ACAD10: variants seen among roughly 807,000 people sequenced by gnomAD.
ACAD10 encodes acyl-CoA dehydrogenase family member 10, also known as ACAD-10.
ACAD10 carries 112 observed loss-of-function variants against 116.8 expected under a neutral mutation model. That is an observed-to-expected ratio of 0.96 (90% CI 0.82 to 1.12). The LOEUF (loss-of-function observed/expected upper bound fraction) is 1.12, where lower values mean the gene tolerates loss of function less well. Among genes scored for constraint, ACAD10 ranks in the 50% most tolerant of loss-of-function variants. The probability of loss-of-function intolerance (pLI) is 0.00; values close to 1 mark genes in which losing one functional copy is unlikely to be tolerated. For missense variants in ACAD10, 1,259 were observed against 1,350.2 expected, an observed-to-expected ratio of 0.93 and a Z score of 1.06; for synonymous variants, 486 against 510.6, an observed-to-expected ratio of 0.95 and a Z score of 0.65.
chr12:111,687,376 G>A (rs912796152), intron 1 of ACAD10, among the ~76,000 whole-genome samples: 2 of 151,970 alleles, frequency 1.3e-5, no homozygotes, highest in African/African-American at 4.8e-5. Context: ...GCAAGGGGGC[G>A]GGGTGTCCTG....
intron 13 of ACAD10, 121 bp from the exon 14 acceptor site, chr12:111,746,023 G>T: frequency 8.0e-7 from 1 of 1,250,016 alleles, no homozygotes; most frequent in South Asian, 1.5e-5. Context: ...TCATTTTTTT[G>T]GGCACACGTG....
At position 111,733,708 on chromosome 12, in the gene ACAD10, C is replaced by T. The variant is rs547974010; in HGVS notation, c.1395-215C>T. 216 of 585,648 alleles carry T rather than the reference C, an allele frequency of 3.7e-4. 1 individual carries two copies. Among genetic ancestry groups the T allele is most frequent in the South Asian group, 1.5e-3 (69 of 46,592 alleles). 36.3% of individuals were successfully genotyped at this position (585,648 alleles called of 1,614,324 possible). ...GGAGCTGGGGAAATAAATAACCAGG[C>T]CCTTTCCCATCTCCTGCTTTTGATT... is the stretch of plus-strand genomic sequence containing the variant. On this transcript the variant is annotated intron_variant, in intron 10 of 20. Transcript: ENST00000313698.
At chr12:111,739,898 G>T (rs1889678842) in intron 12 of ACAD10, among the ~76,000 whole-genome samples, 1 of 152,176 alleles carries the variant, frequency 6.6e-6, no homozygotes, top group Non-Finnish European at 1.5e-5. Context: ...TGAATTCTGA[G>T]TGGATAGTCG....
intron 4 of ACAD10, among the ~76,000 whole-genome samples, chr12:111,707,838 AC>A (rs1888556301): frequency 6.6e-6 from 1 of 152,152 alleles, no homozygotes; most frequent in Non-Finnish European, 1.5e-5. Context: ...ACATCACATG[AC>A]CTGGGAGTTT....
chr12:111,744,684 A>G lies in ACAD10; in HGVS notation c.1756A>G (p.Thr586Ala), dbSNP rs1474846580. The G allele has an allele frequency of 6.2e-7, 1 of 1,614,094 alleles. No individual in the cohort carries two copies. Among genetic ancestry groups the G allele is most frequent in the African/African-American group, 1.3e-5 (1 of 74,934 alleles). ...STYAEQTGKL[T>A]EFVSNLAWDF... is the part of the protein sequence containing the mutation. ...ATATGCGGAACAAACTGGAAAGCTGACCGAATTTGTGTCTAACCTGGCGTG... is the reference window on the plus strand; with the variant it reads ...ATATGCGGAACAAACTGGAAAGCTGGCCGAATTTGTGTCTAACCTGGCGTG... Residue 586 changes from threonine to alanine, a missense_variant, in exon 13 of 21, where the codon ACC becomes GCC. By Grantham distance (58) the Thr-to-Ala change is moderately conservative (BLOSUM62 0). Transcript: ENST00000313698.
chr12:111,693,287 C>G (rs576236600), intron 2 of ACAD10, among the ~76,000 whole-genome samples: 1 of 152,068 alleles, frequency 6.6e-6, no homozygotes, highest in Non-Finnish European at 1.5e-5. Flanking sequence ...GCCTGTAATC[C>G]CAGCACTTTT....
chr12:111,700,593 T>C (rs1464934098), intron 2 of ACAD10, among the ~76,000 whole-genome samples: 1 of 152,166 alleles, frequency 6.6e-6, no homozygotes, highest in Non-Finnish European at 1.5e-5. Flanking sequence ...AAAAATGCTA[T>C]ATGCTTTAGC....
At chr12:111,695,574 TCTGCAGG>T (rs2135944283) in intron 2 of ACAD10, among the ~76,000 whole-genome samples, 1 of 152,298 alleles carries the variant, frequency 6.6e-6, no homozygotes, top group East Asian at 1.9e-4. Context: ...CAGTGTTAGC[TCTGCAGG>T]CTGGCTCAGT....
chr12:111,748,907 C>A, intron 17 of ACAD10: 1 of 1,149,676 alleles, frequency 8.7e-7, no homozygotes, highest in Non-Finnish European at 1.3e-6. Flanking sequence ...TCACAAACCA[C>A]TAGGAGCTTC....
At chr12:111,713,740 C>A (rs1247442870) in intron 6 of ACAD10, among the ~76,000 whole-genome samples, 1 of 151,954 alleles carries the variant, frequency 6.6e-6, no homozygotes, top group Non-Finnish European at 1.5e-5. Context: ...AGTTCGAGGT[C>A]AGCCTGGCCA....
At chr12:111,725,276 G>A (rs1889179477) in intron 8 of ACAD10, among the ~76,000 whole-genome samples, 2 of 152,130 alleles carry the variant, frequency 1.3e-5, no homozygotes, top group South Asian at 4.1e-4. Context: ...AGGAGGCTGA[G>A]GCAGGTAGAT....
At chr12:111,691,520 G>A (rs12315456) in intron 1 of ACAD10, among the ~76,000 whole-genome samples, 4,029 of 152,032 alleles carry the variant, frequency 0.027, 189 homozygotes, top group African/African-American at 0.091. Context: ...TGAGGAAACT[G>A]CATGTAGATG....
chr12:111,733,882 G>T (rs769131829), intron 10 of ACAD10, 41 bp from the exon 11 acceptor site: 1 of 1,612,900 alleles, frequency 6.2e-7, no homozygotes. Context: ...CTAGCCGGCA[G>T]TTTTCTTAGT....
At chr12:111,710,221 C>T (rs1273899060) in intron 5 of ACAD10, 2 of 445,650 alleles carry the variant, frequency 4.5e-6, no homozygotes, top group African/African-American at 4.0e-5. Context: ...TCCTGAGTAG[C>T]TGACCAGAGG....
intron 3 of ACAD10, among the ~76,000 whole-genome samples, 156 bp downstream of exon 3, chr12:111,702,466 C>T (rs540515884): frequency 5.9e-5 from 9 of 152,200 alleles, no homozygotes; most frequent in Non-Finnish European, 1.2e-4. Flanking sequence ...CGCAGTGGCT[C>T]ATGCCTATAA....
Position 111,747,047 on chromosome 12 carries a change from A to G in ACAD10, c.2257-2A>G, listed in dbSNP as rs766501718. 1 of 1,579,940 alleles carries G rather than the reference A, an allele frequency of 6.3e-7. No individual in the cohort carries two copies. Among genetic ancestry groups the G allele is most frequent in the South Asian group, 1.1e-5 (1 of 87,048 alleles). On this transcript the variant is annotated splice_acceptor_variant, in intron 14 of 20. Transcript: ENST00000313698. LOFTEE classifies it high-confidence loss of function. The stretch of plus-strand genomic sequence containing the variant: ...CATGGTCACGCTCCTTTTCCTTCTC[A>G]GGTATGTAACTGCTCTGCGCCTGAC...
chr12:111,753,964 C>T, intron 19 of ACAD10, 49 bp downstream of exon 19: 2 of 1,544,760 alleles, frequency 1.3e-6, no homozygotes, highest in South Asian at 1.2e-5. Flanking sequence ...GATTCTTCCT[C>T]CTCACTCAGC....
intron 2 of ACAD10, among the ~76,000 whole-genome samples, chr12:111,700,530 A>G (rs1164553520): frequency 6.6e-6 from 1 of 152,166 alleles, no homozygotes; most frequent in Non-Finnish European, 1.5e-5. Flanking sequence ...GCTCCCGTCA[A>G]CAGCATATGA....
At chr12:111,703,338 T>C (rs1366804551) in intron 3 of ACAD10, among the ~76,000 whole-genome samples, 1 of 152,156 alleles carries the variant, frequency 6.6e-6, no homozygotes, top group Non-Finnish European at 1.5e-5. Flanking sequence ...ATAATGGCTT[T>C]GATAAAAAAG....
Sources: gnomAD v4.1 joint callset for allele counts (sites outside exome capture counted in the v4.1 genomes callset) on GRCh38, gnomAD v4.1.1 for gene constraint, MANE v1.5 for transcripts, NCBI Gene and HGNC (gene_info 2026-07-23, HGNC 2026-07-21) for gene names.